The following PRR16 variants were observed in gnomAD, a reference collection of about 807,000 sequenced individuals.
The protein encoded by PRR16 is proline rich 16.
PRR16 carries 6 observed loss-of-function variants against 18.2 expected under a neutral mutation model. That is an observed-to-expected ratio of 0.33 (90% CI 0.18 to 0.65). PRR16 has a LOEUF of 0.65. PRR16 is among the 30% of genes least tolerant of loss of function. The pLI, the probability that PRR16 is intolerant of heterozygous loss-of-function variation, is 0.74. For missense variants in PRR16, 412 were observed against 376.6 expected (o/e 1.09, Z -0.78); for synonymous variants, 151 against 147.8 (o/e 1.02, Z -0.16).
intron 1 of PRR16, among the ~76,000 whole-genome samples, chr5:120,472,102 G>A (rs1001842336): frequency 1.9e-4 from 29 of 152,056 alleles, no homozygotes; most frequent in African/African-American, 6.3e-4. Context: ...TGAGATAAAT[G>A]TTTACTTGTA....
chr5:120,722,121 G>A, the PRR16 span, among the ~76,000 whole-genome samples: 1 of 151,956 alleles, frequency 6.6e-6, no homozygotes, highest in Non-Finnish European at 1.5e-5. Context: ...AGAGAATGTG[G>A]TTTGGTTTTC....
rs973010168 is a variant in PRR16 at position 120,518,381 on chromosome 5, G to A, written c.159+53736G>A. Among the ~76,000 whole-genome samples, 133 of 152,076 alleles carry A rather than the reference G, an allele frequency of 8.7e-4. 1 individual carries two copies. Among genetic ancestry groups the A allele is most frequent in the African/African-American group, 2.9e-3 (120 of 41,474 alleles). ...AGGAGACAAATTATGATAACTGTGG[G>A]GTCCTTGAGAGGGAATTCTTTGTAT... On this transcript the variant is annotated intron_variant, in intron 1 of 1. Coordinates refer to ENST00000407149, the MANE Select transcript of PRR16 (RefSeq NM_001300783.2).
At chr5:120,696,028 G>T in the PRR16 span, among the ~76,000 whole-genome samples, 2 of 152,100 alleles carry the variant, frequency 1.3e-5, no homozygotes, top group African/African-American at 4.8e-5. Context: ...GGATCACGAG[G>T]TCAGGAGCTC....
intron 1 of PRR16, among the ~76,000 whole-genome samples, chr5:120,667,118 T>C (rs545773055): frequency 5.6e-4 from 85 of 152,324 alleles, no homozygotes; most frequent in African/African-American, 1.9e-3. Context: ...AAGCTATTGA[T>C]TATTGCCACA....
chr5:120,484,276 A>G (rs1749715600), intron 1 of PRR16, among the ~76,000 whole-genome samples: 1 of 148,346 alleles, frequency 6.7e-6, no homozygotes, highest in South Asian at 2.1e-4. Flanking sequence ...GTTAAAAAAG[A>G]AAATAAATAT....
At chr5:120,482,359 T>A (rs1314967103) in intron 1 of PRR16, among the ~76,000 whole-genome samples, 2 of 152,162 alleles carry the variant, frequency 1.3e-5, no homozygotes, top group African/African-American at 4.8e-5. Context: ...TAGCTCCTGC[T>A]TATAAGCCAG....
At chr5:120,702,765 A>AG in the PRR16 span, among the ~76,000 whole-genome samples, 2 of 152,308 alleles carry the variant, frequency 1.3e-5, no homozygotes, top group Non-Finnish European at 2.9e-5. Context: ...AAAGTAGTGG[A>AG]GGGACAGTGA....
At chr5:120,618,568 A>G (rs1754587200) in intron 1 of PRR16, 1 of 933,824 alleles carries the variant, frequency 1.1e-6, no homozygotes, top group Non-Finnish European at 1.3e-6. Context: ...CTTCAGAGGT[A>G]AGTAAAAAAG....
chr5:120,727,653 A>G, the PRR16 span, among the ~76,000 whole-genome samples: 1 of 152,140 alleles, frequency 6.6e-6, no homozygotes, highest in Non-Finnish European at 1.5e-5. Flanking sequence ...TTAACAAACA[A>G]TGTGGTTTTG....
intron 1 of PRR16, among the ~76,000 whole-genome samples, chr5:120,561,581 T>G (rs1365560006): frequency 1.3e-5 from 2 of 152,116 alleles, no homozygotes; most frequent in Non-Finnish European, 2.9e-5. Flanking sequence ...GAAAAGAATG[T>G]GTATTCTGTA....
chr5:120,699,916 T>G, the PRR16 span, among the ~76,000 whole-genome samples: 1 of 152,178 alleles, frequency 6.6e-6, no homozygotes, highest in African/African-American at 2.4e-5. Flanking sequence ...AGGAAGAAAC[T>G]TGGGCTTGAT....
At position 120,487,966 on chromosome 5, in the gene PRR16, G is replaced by A. The variant is rs566341499; in HGVS notation, c.159+23321G>A. On this transcript the variant is annotated intron_variant, in intron 1 of 1. Coordinates refer to ENST00000407149, the MANE Select transcript of PRR16 (RefSeq NM_001300783.2). The stretch of plus-strand genomic sequence containing the variant: ...GGATTACGTTTATTGATTTGTGTAT[G>A]TTGAACCAGCCTTGCATCCCAGGGA... 6.8e-4 allele frequency among the ~76,000 whole-genome samples: 103 copies of A among 152,268 alleles called. 1 individual carries two copies. Among genetic ancestry groups the A allele is most frequent in the Non-Finnish European group, 4.4e-5 (3 of 68,014 alleles).
intron 1 of PRR16, among the ~76,000 whole-genome samples, chr5:120,557,017 T>C (rs1371700281): frequency 6.6e-6 from 1 of 151,852 alleles, no homozygotes; most frequent in East Asian, 1.9e-4. Context: ...TCTACTACAT[T>C]ATAGAATAGC....
At chr5:120,777,967 GTTA>G in the PRR16 span, among the ~76,000 whole-genome samples, 6 of 152,200 alleles carry the variant, frequency 3.9e-5, no homozygotes, top group Non-Finnish European at 8.8e-5. Flanking sequence ...CATTATGGAA[GTTA>G]TTATATTTAA....
intron 1 of PRR16, among the ~76,000 whole-genome samples, chr5:120,613,986 A>G (rs1754420691): frequency 6.6e-6 from 1 of 152,186 alleles, no homozygotes; most frequent in African/African-American, 2.4e-5. Flanking sequence ...AATGATTAGC[A>G]TTTGAACAGA....
the PRR16 span, among the ~76,000 whole-genome samples, chr5:120,709,077 G>C: frequency 8.1e-6 from 1 of 124,178 alleles, no homozygotes; most frequent in South Asian, 2.7e-4. Flanking sequence ...GCGCAATCTC[G>C]GCTCACTGCA....
intron 1 of PRR16, among the ~76,000 whole-genome samples, chr5:120,493,112 C>A (rs1396743492): frequency 6.6e-6 from 1 of 152,130 alleles, no homozygotes; most frequent in African/African-American, 2.4e-5. Context: ...GATCTACTTT[C>A]AGTTTTTTAA....
the PRR16 span, among the ~76,000 whole-genome samples, chr5:120,706,683 C>T: frequency 6.6e-6 from 1 of 152,170 alleles, no homozygotes; most frequent in South Asian, 2.1e-4. Context: ...TACTTTAATT[C>T]TCATAATAAC....
chr5:120,541,206 G>A (rs892622353), intron 1 of PRR16, among the ~76,000 whole-genome samples: 1 of 152,150 alleles, frequency 6.6e-6, no homozygotes, highest in African/African-American at 2.4e-5. Flanking sequence ...GAGAGCAGTA[G>A]CGCAATCTCG....
Sources: gnomAD v4.1 joint callset for allele counts (sites outside exome capture counted in the v4.1 genomes callset) on GRCh38, gnomAD v4.1.1 for gene constraint, MANE v1.5 for transcripts, NCBI Gene and HGNC (gene_info 2026-07-23, HGNC 2026-07-21) for gene names.